The following CUL5 variants were observed in gnomAD, a reference collection of about 807,000 sequenced individuals.
The protein encoded by CUL5 is cullin 5.
Under a neutral mutation model 108.8 loss-of-function variants are expected in CUL5, and 26 were observed. The observed-to-expected ratio is 0.24, with a 90% CI of 0.18 to 0.33. The LOEUF is 0.33. Ranked by LOEUF, CUL5 falls within the 10% of genes least tolerant of loss-of-function variation. The pLI is 1.00. For missense variants in CUL5, 524 were observed against 909.2 expected (o/e 0.58, Z 5.45); for synonymous variants, 334 against 298.0 (o/e 1.12, Z -1.25).
At chr11:108,030,227 GTTAC>G (rs941928746) in intron 1 of CUL5, among the ~76,000 whole-genome samples, 1 of 152,210 alleles carries the variant, frequency 6.6e-6, no homozygotes, top group Non-Finnish European at 1.5e-5. Context: ...GGAGTGCGAA[GTTAC>G]TTACGTGATT....
chr11:108,063,241 A>G (rs768596829), intron 7 of CUL5, among the ~76,000 whole-genome samples: 2 of 152,100 alleles, frequency 1.3e-5, no homozygotes, highest in South Asian at 2.1e-4. Flanking sequence ...TTTACTCTCT[A>G]TTTCCATGAG....
chr11:108,085,123 T>C (rs1433825867), intron 11 of CUL5: 4 of 152,218 alleles, frequency 2.6e-5, no homozygotes, highest in Non-Finnish European at 5.9e-5. Context: ...AACATGCTCA[T>C]AAATGTTCAT....
At chr11:108,048,578 G>A (rs1281681670) in intron 3 of CUL5, among the ~76,000 whole-genome samples, 1 of 150,424 alleles carries the variant, frequency 6.6e-6, no homozygotes, top group Non-Finnish European at 1.5e-5. Flanking sequence ...TACATCGGTG[G>A]CATTCTGTTG....
chr11:108,084,300 A>G (rs1307913489), intron 11 of CUL5, among the ~76,000 whole-genome samples: 2 of 152,254 alleles, frequency 1.3e-5, no homozygotes, highest in Non-Finnish European at 2.9e-5. Flanking sequence ...CAGAAATGCC[A>G]GATAAACCTT....
intron 16 of CUL5, among the ~76,000 whole-genome samples, chr11:108,097,116 C>T (rs1265477230): frequency 1.3e-5 from 2 of 152,154 alleles, no homozygotes; most frequent in Non-Finnish European, 2.9e-5. Context: ...CTCCCAGGTT[C>T]AAGCGATCCT....
intron 7 of CUL5, among the ~76,000 whole-genome samples, chr11:108,057,153 T>TC (rs1863401582): frequency 6.6e-6 from 1 of 152,144 alleles, no homozygotes; most frequent in African/African-American, 2.4e-5. Context: ...AAAGAATAAG[T>TC]CCAGAGTAGC....
intron 7 of CUL5, among the ~76,000 whole-genome samples, chr11:108,063,811 A>C (rs577645953): frequency 6.6e-6 from 1 of 152,110 alleles, no homozygotes; most frequent in African/African-American, 2.4e-5. Context: ...GGAACCTCCA[A>C]ACTGCTCCAT....
At chr11:108,082,558 G>C (rs1000687233) in intron 11 of CUL5, among the ~76,000 whole-genome samples, 1 of 152,012 alleles carries the variant, frequency 6.6e-6, no homozygotes, top group African/African-American at 2.4e-5. Context: ...ATTACGGGCA[G>C]GAGCTACCAT....
intron 13 of CUL5, among the ~76,000 whole-genome samples, chr11:108,093,470 C>G (rs951006774): frequency 3.9e-5 from 6 of 152,182 alleles, no homozygotes; most frequent in Non-Finnish European, 5.9e-5. Context: ...CCACAGTCAG[C>G]TTTCTTCTAT....
intron 11 of CUL5, among the ~76,000 whole-genome samples, chr11:108,088,077 A>G (rs1253213158): frequency 6.6e-6 from 1 of 152,136 alleles, no homozygotes; most frequent in Admixed American, 6.6e-5. Flanking sequence ...TGGTATATAT[A>G]TCATCATTAT....
intron 3 of CUL5, among the ~76,000 whole-genome samples, chr11:108,047,977 TAA>T (rs1347542297): frequency 6.6e-6 from 1 of 152,130 alleles, no homozygotes; most frequent in Non-Finnish European, 1.5e-5. Flanking sequence ...CATGACTGAA[TAA>T]AGTCTGGAAA....
chr11:108,023,247 C>G (rs1484342776), intron 1 of CUL5, among the ~76,000 whole-genome samples: 2 of 152,144 alleles, frequency 1.3e-5, no homozygotes, highest in Non-Finnish European at 2.9e-5. Flanking sequence ...AACTCTGTAT[C>G]AAAAACAAAA....
At chr11:108,089,749 C>T (rs1864306174) in intron 13 of CUL5, 126 bp downstream of exon 13, 4 of 558,106 alleles carry the variant, frequency 7.2e-6, no homozygotes, top group South Asian at 7.1e-5. Context: ...AAGAATATAG[C>T]GTCAGTTAGG....
At chr11:108,040,478 G>A (rs893839485) in intron 2 of CUL5, among the ~76,000 whole-genome samples, 8 of 152,268 alleles carry the variant, frequency 5.3e-5, no homozygotes, top group Admixed American at 5.2e-4. Flanking sequence ...TGGGTGTGGT[G>A]TTGTGCACCT....
intron 7 of CUL5, among the ~76,000 whole-genome samples, chr11:108,069,377 C>T (rs1033339176): frequency 2.0e-5 from 3 of 152,124 alleles, no homozygotes; most frequent in African/African-American, 7.2e-5. Flanking sequence ...ATCTTTCTAG[C>T]CTTCTCTTCC....
intron 13 of CUL5, among the ~76,000 whole-genome samples, chr11:108,091,662 C>T (rs1591330687): frequency 6.8e-6 from 1 of 147,688 alleles, no homozygotes; most frequent in East Asian, 2.0e-4. Context: ...GTACTCCTGC[C>T]TGAGCAACAG....
chr11:108,093,171 TAA>T (rs1864398223), intron 13 of CUL5, among the ~76,000 whole-genome samples: 1 of 152,238 alleles, frequency 6.6e-6, no homozygotes, highest in Non-Finnish European at 1.5e-5. Flanking sequence ...GTAAAGCTGT[TAA>T]TAAAGAGTAG....
chr11:108,102,271 G>A (rs1056193105), intron 18 of CUL5, among the ~76,000 whole-genome samples: 5 of 151,778 alleles, frequency 3.3e-5, no homozygotes, highest in African/African-American at 9.7e-5. Flanking sequence ...TTCGTAATCC[G>A]CTCCCCTTGG....
chr11:108,033,040 A>G (rs934609224), intron 1 of CUL5, among the ~76,000 whole-genome samples: 2 of 152,234 alleles, frequency 1.3e-5, no homozygotes, highest in African/African-American at 4.8e-5. Flanking sequence ...AGAAAGGCTC[A>G]TAGCATTTAG....
Sources: allele counts gnomAD v4.1 joint callset (sites outside exome capture counted in the v4.1 genomes callset), GRCh38; gene constraint gnomAD v4.1.1; transcripts MANE v1.5; gene names NCBI Gene and HGNC (gene_info 2026-07-23, HGNC 2026-07-21).